HEATR3: variants seen among roughly 807,000 people sequenced by gnomAD.
HEATR3 encodes the protein HEAT repeat-containing protein 3.
In HEATR3, 56 loss-of-function variants were observed where a neutral mutation model predicts 72.8. The observed-to-expected ratio is 0.77, with a 90% confidence interval of 0.62 to 0.96. The LOEUF (loss-of-function observed/expected upper bound fraction) is 0.96, where lower values mean the gene tolerates loss of function less well. Ranked by LOEUF, HEATR3 falls within the 40% of genes least tolerant of loss-of-function variation. HEATR3 has a pLI of 0.00. For missense variants in HEATR3, 747 were observed against 831.4 expected, an observed-to-expected ratio of 0.90 and a Z score of 1.25; for synonymous variants, 331 against 318.1, an observed-to-expected ratio of 1.04 and a Z score of -0.43.
Position 50,094,682 on chromosome 16 carries a change from T to C in HEATR3, c.1511-23T>C, listed in dbSNP as rs780160004. ...GCCTATCTTGGAGAAATGCAAATTTTATATTTCATTTTTGTGTTTTAGATT... is the reference window on the plus strand; with the variant it reads ...GCCTATCTTGGAGAAATGCAAATTTCATATTTCATTTTTGTGTTTTAGATT... On this transcript the variant is annotated intron_variant, in intron 11 of 14. Transcript: ENST00000299192. 4.2e-6 allele frequency: 6 copies of C among 1,431,420 alleles called. No individual in the cohort carries two copies. The South Asian group carries it at 5.5e-5, about 13-fold the overall frequency. The allele number at this position is 1,431,420 out of a possible 1,614,324, so 88.7% of individuals were successfully genotyped here. A position where few individuals can be genotyped will look rare whatever the true frequency, so the allele number is the denominator to read the frequency against.
chr16:50,090,671 A>G (rs987950816), intron 11 of HEATR3, among the ~76,000 whole-genome samples: 10 of 152,172 alleles, frequency 6.6e-5, no homozygotes, highest in Admixed American at 4.6e-4. Context: ...GTTTTTTAGC[A>G]ATGTTGTATT....
At chr16:50,090,481 TAC>T (rs1265924299) in intron 11 of HEATR3, among the ~76,000 whole-genome samples, 1 of 152,238 alleles carries the variant, frequency 6.6e-6, no homozygotes, top group African/African-American at 2.4e-5. Context: ...TAATGCTAAA[TAC>T]AGTTCTGAAT....
chr16:50,068,330 G>A (rs1168907955), intron 2 of HEATR3, among the ~76,000 whole-genome samples: 2 of 151,962 alleles, frequency 1.3e-5, no homozygotes, highest in East Asian at 3.9e-4. Flanking sequence ...TTTTAGAAAC[G>A]GGGTCTCCCG....
intron 6 of HEATR3, among the ~76,000 whole-genome samples, chr16:50,075,962 C>T (rs2036718397): frequency 6.6e-6 from 1 of 151,894 alleles, no homozygotes; most frequent in Non-Finnish European, 1.5e-5. Context: ...TTGTCAGGAT[C>T]CCCACTTATT....
At chr16:50,068,676 C>T in intron 2 of HEATR3, 104 bp from the exon 3 acceptor site, 1 of 863,616 alleles carries the variant, frequency 1.2e-6, no homozygotes, top group Non-Finnish European at 1.9e-6. Context: ...AAGCTATTTC[C>T]TCTGGGAAAC....
At chr16:50,081,056 T>C (rs1663963143) in intron 7 of HEATR3, among the ~76,000 whole-genome samples, 1 of 152,254 alleles carries the variant, frequency 6.6e-6, no homozygotes, top group African/African-American at 2.4e-5. Context: ...ACGATTGATA[T>C]TTAACTGATA....
chr16:50,100,058 CT>C (rs1420347550), intron 12 of HEATR3, among the ~76,000 whole-genome samples, 171 bp from the exon 13 acceptor site: 1 of 150,724 alleles, frequency 6.6e-6, no homozygotes, highest in Non-Finnish European at 1.5e-5. Flanking sequence ...GAATTACCAG[CT>C]CTGTCTGGGA....
intron 11 of HEATR3, among the ~76,000 whole-genome samples, chr16:50,091,272 G>T (rs1409880087): frequency 6.6e-6 from 1 of 152,170 alleles, no homozygotes; most frequent in African/African-American, 2.4e-5. Context: ...TTCAAGACCA[G>T]CCTAGCAAAC....
intron 3 of HEATR3, 120 bp from the exon 4 acceptor site, chr16:50,070,058 G>A (rs192039740): frequency 1.4e-5 from 7 of 494,268 alleles, no homozygotes; most frequent in African/African-American, 4.0e-5. Flanking sequence ...GTAAGGATTC[G>A]ACTGGCTTGT....
Position 50,078,837 on chromosome 16 carries a change from A to T in HEATR3, c.860A>T (p.Asp287Val). ...LKILSEVLGM[D>V]AGEMVIQMKE... ...ATCTTATCTGAAGTTTTGGGAATGG[A>T]TGCTGGTGAAATGGTTATTCAAATG... is the stretch of plus-strand genomic sequence containing the variant. The change falls in exon 7 of 15, where the codon GAT becomes GTT. Residue 287 changes from aspartate to valine, a missense_variant. By Grantham distance (152) the Asp-to-Val change is radical (BLOSUM62 -3). Around this residue, in one of 2 missense-constraint regions of HEATR3, gnomAD observed 586 missense variants for 708.8 expected, o/e 0.83. Coordinates refer to ENST00000299192, the MANE Select transcript of HEATR3 (RefSeq NM_182922.4). 2 of 1,614,140 alleles carry T rather than the reference A, an allele frequency of 1.2e-6. No individual in the cohort carries two copies. The highest frequency in any genetic ancestry group is 8.5e-7 in the Non-Finnish European group (1 of 1,180,008).
intron 12 of HEATR3, among the ~76,000 whole-genome samples, chr16:50,097,899 T>G (rs2037279157): frequency 1.4e-5 from 2 of 140,728 alleles, no homozygotes; most frequent in Non-Finnish European, 1.5e-5. Flanking sequence ...GTGACAAGAG[T>G]GTGACAAGAG....
chr16:50,097,923 C>CAAA (rs1047867647), intron 12 of HEATR3, among the ~76,000 whole-genome samples: 1 of 74,788 alleles, frequency 1.3e-5, no homozygotes. Flanking sequence ...AACTCCGTCT[C>CAAA]AAAAAAAAAA....
At chr16:50,091,181 T>A (rs939012173) in intron 11 of HEATR3, among the ~76,000 whole-genome samples, 2 of 148,442 alleles carry the variant, frequency 1.3e-5, no homozygotes, top group African/African-American at 5.0e-5. Context: ...AGAAAAAAAA[T>A]TCAGGCTGGG....
intron 12 of HEATR3, 150 bp downstream of exon 12, chr16:50,094,943 TA>T (rs1380870309): frequency 2.1e-6 from 1 of 475,622 alleles, no homozygotes; most frequent in African/African-American, 2.0e-5. Flanking sequence ...GTGATTAAAA[TA>T]AAAAGTAATA....
At chr16:50,068,713 TG>T in intron 2 of HEATR3, 66 bp from the exon 3 acceptor site, 1 of 684,334 alleles carries the variant, frequency 1.5e-6, no homozygotes, top group South Asian at 2.0e-5. Context: ...AATAGAAATG[TG>T]AGAGGGTAGA....
At chr16:50,079,407 C>G (rs2150604566) in intron 7 of HEATR3, among the ~76,000 whole-genome samples, 1 of 152,278 alleles carries the variant, frequency 6.6e-6, no homozygotes, top group African/African-American at 2.4e-5. Context: ...ATTCTTGCCT[C>G]TTATTTTAGT....
intron 12 of HEATR3, among the ~76,000 whole-genome samples, chr16:50,095,341 A>C (rs1238906601): frequency 6.6e-6 from 1 of 151,398 alleles, no homozygotes; most frequent in East Asian, 1.9e-4. Context: ...GCCTGACCTC[A>C]AGTGATCCAC....
At chr16:50,082,346 AAAAAAAGAAT>A (rs1407929033) in intron 7 of HEATR3, among the ~76,000 whole-genome samples, 3 of 152,116 alleles carry the variant, frequency 2.0e-5, no homozygotes, top group South Asian at 2.1e-4. Flanking sequence ...CTGTCTCCAA[AAAAAAAGAAT>A]AAAAAAGAAT....
chr16:50,070,821 A>C (rs1383982481), intron 4 of HEATR3, among the ~76,000 whole-genome samples: 1 of 152,076 alleles, frequency 6.6e-6, no homozygotes, highest in African/African-American at 2.4e-5. Context: ...CTCTCCAGTC[A>C]TTGCATCTGA....
Sources: allele counts gnomAD v4.1 joint callset (sites outside exome capture counted in the v4.1 genomes callset), GRCh38; gene constraint gnomAD v4.1.1; regional missense constraint gnomAD v4.1.1; transcripts MANE v1.5; gene names NCBI Gene and HGNC (gene_info 2026-07-23, HGNC 2026-07-21).